KDM2A: variants seen among roughly 807,000 people sequenced by gnomAD.
KDM2A encodes the protein lysine demethylase 2A.
KDM2A carries 3 observed loss-of-function variants against 137.3 expected under a neutral mutation model. The observed-to-expected ratio is 0.02, with a 90% CI of 0.01 to 0.06. The LOEUF is 0.06. Among genes scored for constraint, KDM2A ranks in the 10% least tolerant of loss-of-function variants. The pLI, the probability that KDM2A is intolerant of heterozygous loss-of-function variation, is 1.00. For missense variants in KDM2A, 738 were observed against 1,510.6 expected (o/e 0.49, Z 8.48); for synonymous variants, 512 against 541.5 (o/e 0.95, Z 0.76).
chr11:67,142,556 G>A (rs1243552247), intron 2 of KDM2A, among the ~76,000 whole-genome samples: 6 of 116,972 alleles, frequency 5.1e-5, no homozygotes, highest in Non-Finnish European at 8.2e-5. Context: ...GAAGTTGGCC[G>A]GGGGGTTGGG....
chr11:67,224,798 TACTC>T (rs1276073682), intron 10 of KDM2A, among the ~76,000 whole-genome samples: 1 of 148,738 alleles, frequency 6.7e-6, no homozygotes, highest in Non-Finnish European at 1.5e-5. Flanking sequence ...TCCCCAATGA[TACTC>T]ACCAGGGGCA....
intron 2 of KDM2A, among the ~76,000 whole-genome samples, chr11:67,157,716 G>T (rs557382579): frequency 6.8e-6 from 1 of 146,838 alleles, no homozygotes; most frequent in East Asian, 2.0e-4. Flanking sequence ...CTGCACTCCA[G>T]CCTGGGCGAC....
intron 2 of KDM2A, among the ~76,000 whole-genome samples, chr11:67,150,064 AATTC>A (rs1856350612): frequency 6.6e-6 from 1 of 152,186 alleles, no homozygotes; most frequent in South Asian, 2.1e-4. Context: ...AAGATAGCAA[AATTC>A]AACAATTCGT....
At chr11:67,168,897 G>C (rs1856813076) in intron 2 of KDM2A, among the ~76,000 whole-genome samples, 1 of 151,350 alleles carries the variant, frequency 6.6e-6, no homozygotes, top group Admixed American at 6.6e-5. Flanking sequence ...ACATATTAAG[G>C]CTATGAAGTG....
intron 6 of KDM2A, 126 bp downstream of exon 6, chr11:67,207,814 G>A (rs1394694748): frequency 3.1e-6 from 2 of 650,678 alleles, no homozygotes; most frequent in Non-Finnish European, 4.9e-6. Flanking sequence ...CGCTTGAGCT[G>A]AGGAGTTTGA....
intron 5 of KDM2A, among the ~76,000 whole-genome samples, chr11:67,198,748 G>A (rs1857547039): frequency 6.7e-6 from 1 of 148,772 alleles, no homozygotes; most frequent in African/African-American, 2.6e-5. Context: ...ATTTGTCAGT[G>A]GTGATCAGTA....
chr11:67,227,986 A>AC, intron 10 of KDM2A, 51 bp from the exon 11 acceptor site: 1 of 1,558,306 alleles, frequency 6.4e-7, no homozygotes, highest in South Asian at 1.1e-5. Flanking sequence ...CATTTGTTGT[A>AC]CTCTCTTTCC....
chr11:67,223,673 G>A (rs1565412174), intron 10 of KDM2A, among the ~76,000 whole-genome samples: 1 of 152,100 alleles, frequency 6.6e-6, no homozygotes, highest in Non-Finnish European at 1.5e-5. Context: ...GGCCCCCAAA[G>A]CCTTGGGACC....
chr11:67,207,923 C>G (rs11227733), intron 6 of KDM2A, among the ~76,000 whole-genome samples: 8,239 of 151,974 alleles, frequency 0.054, 317 homozygotes, highest in Non-Finnish European at 0.075. Context: ...TCCAGCTACT[C>G]AAGAGGCTGA....
rs534775434 is a variant in KDM2A at position 67,254,875 on chromosome 11, T to C, written c.3309T>C (p.Gly1103=). 1.2e-6 allele frequency: 2 copies of C among 1,613,638 alleles called. No homozygotes were observed. The highest frequency in any genetic ancestry group is 2.2e-5 in the East Asian group (1 of 44,880). ...RYSLTELNMA[G]CNKLTDQTLI... ...TCATTATGTCCACTTTCCCGACAGG[T>C]TGCAATAAATTGACAGACCAGACCC... The change falls in exon 21 of 21, where the codon GGT becomes GGC. Residue 1103 remains glycine, a splice_region_variant and synonymous_variant. Coordinates refer to ENST00000529006, the MANE Select transcript of KDM2A (RefSeq NM_012308.3). This position sits in a 1 kb window ranked among gnomAD's most constrained non-coding sequence, Gnocchi z 4.7.
intron 11 of KDM2A, among the ~76,000 whole-genome samples, chr11:67,228,931 C>T (rs919817207): frequency 1.3e-5 from 2 of 151,986 alleles, no homozygotes; most frequent in Admixed American, 1.3e-4. Context: ...TGCTCTGTTG[C>T]CCAGGCCGGT....
chr11:67,119,753 C>G lies in KDM2A; in HGVS notation c.-380C>G, dbSNP rs547238122. On this transcript the variant is annotated 5_prime_UTR_variant, in exon 1 of 21. Transcript: ENST00000529006. ...GGCGCTCCCTGCGGCCGGGGCCGGC[C>G]CGGGGCTCGGGCCCGGGCTGCTGAC... 10 of 150,454 alleles carry G rather than the reference C, an allele frequency of 6.6e-5. No individual in the cohort carries two copies. The highest frequency in any genetic ancestry group is 1.3e-4 in the Non-Finnish European group (9 of 67,266). 9.3% of individuals were successfully genotyped at this position (150,454 alleles called of 1,614,324 possible).
At chr11:67,143,749 C>CA (rs1259087147) in intron 2 of KDM2A, among the ~76,000 whole-genome samples, 3 of 151,552 alleles carry the variant, frequency 2.0e-5, no homozygotes, top group Non-Finnish European at 1.5e-5. Flanking sequence ...TCTCCTGCCT[C>CA]AGCCTCCTGA....
chr11:67,191,222 T>A (rs1480012423), intron 5 of KDM2A, among the ~76,000 whole-genome samples: 3 of 152,096 alleles, frequency 2.0e-5, no homozygotes, highest in Admixed American at 6.6e-5. Context: ...AGATGGGGTT[T>A]CACCATGTTG....
intron 2 of KDM2A, among the ~76,000 whole-genome samples, chr11:67,160,113 A>G (rs1017707844): frequency 3.9e-5 from 6 of 152,188 alleles, no homozygotes; most frequent in Non-Finnish European, 7.4e-5. Flanking sequence ...AATTTTTATC[A>G]GGCTTCCTGT....
chr11:67,231,319 C>G (rs1045564788), intron 11 of KDM2A, among the ~76,000 whole-genome samples: 1 of 152,108 alleles, frequency 6.6e-6, no homozygotes, highest in Non-Finnish European at 1.5e-5. Context: ...AGACTAGGTC[C>G]TACCCAAACT....
chr11:67,120,291 G>C (rs1419019483), intron 1 of KDM2A, among the ~76,000 whole-genome samples: 1 of 152,222 alleles, frequency 6.6e-6, no homozygotes, highest in African/African-American at 2.4e-5. Flanking sequence ...CTTCCTCCGG[G>C]AGGGCTCTGC....
chr11:67,251,154 AGAGCCTATGAT>A (rs1859413283), intron 17 of KDM2A, among the ~76,000 whole-genome samples: 1 of 152,210 alleles, frequency 6.6e-6, no homozygotes, highest in African/African-American at 2.4e-5. Context: ...ATGTTGGTTG[AGAGCCTATGAT>A]GTTCTAGTCA....
At chr11:67,204,010 A>C (rs1424532810) in intron 5 of KDM2A, among the ~76,000 whole-genome samples, 1 of 152,058 alleles carries the variant, frequency 6.6e-6, no homozygotes, top group African/African-American at 2.4e-5. Flanking sequence ...CATGTTGGCC[A>C]GGCTGGTCTC....
Sources: allele counts gnomAD v4.1 joint callset (sites outside exome capture counted in the v4.1 genomes callset), GRCh38; gene constraint gnomAD v4.1.1; non-coding constraint Gnocchi (gnomAD v3.1); transcripts MANE v1.5; gene names NCBI Gene and HGNC (gene_info 2026-07-23, HGNC 2026-07-21).